The following BRIP1 variants were observed in gnomAD, a reference collection of about 807,000 sequenced individuals.
BRIP1 encodes Fanconi anemia group J protein.
In BRIP1, 88 loss-of-function variants were observed where a neutral mutation model predicts 119.7. The observed-to-expected ratio is 0.74, with a 90% CI of 0.62 to 0.88. The LOEUF is 0.88. Among genes scored for constraint, BRIP1 ranks in the 40% least tolerant of loss-of-function variants. BRIP1 has a pLI of 0.00. For missense variants in BRIP1, 1,259 were observed against 1,455.4 expected (o/e 0.87, Z 2.20); for synonymous variants, 443 against 496.5 (o/e 0.89, Z 1.43).
At chr17:61,715,168 C>G (rs990958693) in intron 17 of BRIP1, among the ~76,000 whole-genome samples, 7 of 151,172 alleles carry the variant, frequency 4.6e-5, no homozygotes, top group Non-Finnish European at 8.8e-5. Flanking sequence ...CCACTGCACT[C>G]CAGCCTGGGC....
In BRIP1 at chr17:61,742,447, C is replaced by T. The variant is rs2076998693; in HGVS notation, c.2379+566G>A. On this transcript the variant is annotated intron_variant, in intron 16 of 19. Transcript: ENST00000259008. This position sits in a 1 kb window ranked among gnomAD's most constrained non-coding sequence, Gnocchi z 4.7. Reference sequence around the variant, plus strand: ...AGGCCTAGCTTTTGTCTTGTCTCAGCTTTCAATATGCCTTGCTCACTAAGC... The same window carrying T: ...AGGCCTAGCTTTTGTCTTGTCTCAGTTTTCAATATGCCTTGCTCACTAAGC... Among the ~76,000 whole-genome samples, 1 of 152,182 alleles carries T rather than the reference C, an allele frequency of 6.6e-6. No homozygotes were observed. Among genetic ancestry groups the T allele is most frequent in the Non-Finnish European group, 1.5e-5 (1 of 68,036 alleles).
intron 10 of BRIP1, among the ~76,000 whole-genome samples, chr17:61,788,961 T>C (rs2077774602): frequency 6.6e-6 from 1 of 151,978 alleles, no homozygotes; most frequent in African/African-American, 2.4e-5. Context: ...CCAGGTGTGG[T>C]GGCATGCTTG....
rs569698703 is a variant in BRIP1 at position 61,852,354 on chromosome 17, AG to A, written c.380-3099del. On this transcript the variant is annotated intron_variant, in intron 4 of 19. Transcript: ENST00000259008. This position sits in a 1 kb window ranked among gnomAD's most constrained non-coding sequence, Gnocchi z 4.9. The stretch of plus-strand genomic sequence containing the variant: ...CGATTATGTTTTTTTAAAATCTTCA[AG>A]AAACCTAAGAAATACCCAATAGAAA... Among the ~76,000 whole-genome samples the A allele has an allele frequency of 3.2e-3, 483 of 152,260 alleles. 3 individuals carry two copies. Among genetic ancestry groups the A allele is most frequent in the Non-Finnish European group, 4.5e-3 (307 of 68,020 alleles).
intron 6 of BRIP1, among the ~76,000 whole-genome samples, chr17:61,826,009 G>A (rs1242817370): frequency 3.9e-5 from 6 of 151,948 alleles, no homozygotes; most frequent in South Asian, 2.1e-4. Context: ...ACTATACTAC[G>A]TGGCTACAGT....
chr17:61,687,975 G>A lies in BRIP1; in HGVS notation c.2576-1810C>T, dbSNP rs1323700458. The stretch of plus-strand genomic sequence containing the variant: ...AGGGGCCACTAAGAACAAAAGCGCT[G>A]TGCAGCAAGTTTCTGCTCCACAGGA... On this transcript the variant is annotated intron_variant, in intron 18 of 19. Coordinates refer to ENST00000259008, the MANE Select transcript of BRIP1 (RefSeq NM_032043.3). The surrounding 1 kb of genome is among the most constrained non-coding windows in gnomAD (Gnocchi z 5.1). 6.6e-6 allele frequency among the ~76,000 whole-genome samples: 1 copy of A among 152,192 alleles called. No homozygotes were observed. Among genetic ancestry groups the A allele is most frequent in the Non-Finnish European group, 1.5e-5 (1 of 68,030 alleles).
chr17:61,692,785 A>G (rs2061466625), intron 18 of BRIP1, among the ~76,000 whole-genome samples: 1 of 152,230 alleles, frequency 6.6e-6, no homozygotes, highest in Non-Finnish European at 1.5e-5. Flanking sequence ...GGAATGTTAA[A>G]TGGTGCAGTT....
In BRIP1 at chr17:61,716,055, T is replaced by C. The variant is rs1057521977; in HGVS notation, c.2388A>G (p.Leu796=). The change falls in exon 17 of 20, where the codon CTA becomes CTG. Residue 796 remains leucine (L), a synonymous_variant. Transcript: ENST00000259008. ...AATGGTGGTCATTGTATTGTCGTTT[T>C]AGTTCAACCTAATAATTTTAAAATA... ...FPNVKDLQVE[L]KRQYNDHHSK... 6.3e-7 allele frequency: 1 copy of C among 1,579,572 alleles called. No individual in the cohort carries two copies. Among genetic ancestry groups the C allele is most frequent in the Non-Finnish European group, 8.6e-7 (1 of 1,156,980 alleles).
At position 61,849,118 on chromosome 17, in the gene BRIP1, ACT is replaced by A. The variant is rs747185394; in HGVS notation, c.507+9_507+10del. On this transcript the variant is annotated intron_variant, in intron 5 of 19. Transcript: ENST00000259008. Reference sequence around the variant, plus strand: ...TAACTGGGTTATTTACTGCCAATAAACTCTGTTTACCTGCTGTGTAGTTTCTA... The same window carrying A: ...TAACTGGGTTATTTACTGCCAATAAACTGTTTACCTGCTGTGTAGTTTCTA... 1.3e-5 allele frequency: 21 copies of A among 1,612,934 alleles called. No individual in the cohort carries two copies. The African/African-American group carries it at 1.3e-4, about 10-fold the overall frequency.
chr17:61,851,894 T>C lies in BRIP1; in HGVS notation c.380-2638A>G, dbSNP rs1191922591. Among the ~76,000 whole-genome samples, 2 of 152,200 alleles carry C rather than the reference T, an allele frequency of 1.3e-5. No homozygotes were observed. Among genetic ancestry groups the C allele is most frequent in the African/African-American group, 4.8e-5 (2 of 41,448 alleles). On this transcript the variant is annotated intron_variant, in intron 4 of 19. Coordinates refer to ENST00000259008, the MANE Select transcript of BRIP1 (RefSeq NM_032043.3). This position sits in a 1 kb window ranked among gnomAD's most constrained non-coding sequence, Gnocchi z 4.6. ...CCACCACTTCTCATCCCAGGCATAC[T>C]GGGCAATGTCTGGAGACATTTTTCG... is the stretch of plus-strand genomic sequence containing the variant.
At chr17:61,821,047 A>C (rs1339603132) in intron 6 of BRIP1, among the ~76,000 whole-genome samples, 1 of 151,910 alleles carries the variant, frequency 6.6e-6, no homozygotes, top group African/African-American at 2.4e-5. Flanking sequence ...AATTTTCTGG[A>C]GTTTAAATAC....
chr17:61,826,219 C>T (rs572089949), intron 6 of BRIP1, among the ~76,000 whole-genome samples: 228 of 152,232 alleles, frequency 1.5e-3, no homozygotes, highest in African/African-American at 5.3e-3. Context: ...TGAAACTGGA[C>T]CCCTTCCTTA....
In BRIP1 at chr17:61,780,740, CAACAACAACA is replaced by C; in HGVS notation, c.1794+90_1794+99del. On this transcript the variant is annotated intron_variant, in intron 12 of 19. Transcript: ENST00000259008. This position sits in a 1 kb window ranked among gnomAD's most constrained non-coding sequence, Gnocchi z 5.4. ...AGACCCTGCCTCAAAACAACAACAA[CAACAACAACA>C]AACAACTATCTTTAAAAGAGTCAAC... 1 of 1,407,096 alleles carries C rather than the reference CAACAACAACA, an allele frequency of 7.1e-7. No individual in the cohort carries two copies. Among genetic ancestry groups the C allele is most frequent in the Non-Finnish European group, 1.0e-6 (1 of 996,946 alleles). The allele number at this position is 1,407,096 out of a possible 1,614,324, so 87.2% of individuals were successfully genotyped here. A position where few individuals can be genotyped will look rare whatever the true frequency, so the allele number is the denominator to read the frequency against.
At chr17:61,694,150 A>G (rs1443583140) in intron 17 of BRIP1, among the ~76,000 whole-genome samples, 1 of 152,162 alleles carries the variant, frequency 6.6e-6, no homozygotes. Flanking sequence ...TTTGTGGTAT[A>G]TTTACAAGGC....
chr17:61,854,494 G>A (rs746993407), intron 4 of BRIP1, among the ~76,000 whole-genome samples: 5 of 151,968 alleles, frequency 3.3e-5, no homozygotes, highest in African/African-American at 9.7e-5. Flanking sequence ...ATCACTTGAC[G>A]TCAGGAGCTA....
rs1373453923 is a variant in BRIP1, at chr17:61,680,776, G to C, written c.*2520C>G. Among the ~76,000 whole-genome samples the C allele has an allele frequency of 6.6e-6, 1 of 152,166 alleles. No individual in the cohort carries two copies. Among genetic ancestry groups the C allele is most frequent in the Admixed American group, 6.5e-5 (1 of 15,278 alleles). On this transcript the variant is annotated 3_prime_UTR_variant, in exon 20 of 20. Coordinates refer to ENST00000259008, the MANE Select transcript of BRIP1 (RefSeq NM_032043.3). ...TTACAGGCGTGAGCCACCGCGCCTG[G>C]CCCTAAAGGTAATTTTAAAAGTCCT...
intron 14 of BRIP1, among the ~76,000 whole-genome samples, chr17:61,766,790 G>A (rs888801343): frequency 6.6e-6 from 1 of 152,014 alleles, no homozygotes; most frequent in African/African-American, 2.4e-5. Flanking sequence ...GTCGAAGTCT[G>A]TATTGTATGA....
In BRIP1 at chr17:61,828,008, A is replaced by G. The variant is rs1049641277; in HGVS notation, c.627+19093T>C. On this transcript the variant is annotated intron_variant, in intron 6 of 19. Transcript: ENST00000259008. The surrounding 1 kb of genome is among the most constrained non-coding windows in gnomAD (Gnocchi z 4.1). ...TGAAAAACAGCTTGGCAGTTCCTCA[A>G]AAACTTAAATATAGAATTACCATAT... Among the ~76,000 whole-genome samples, 1 of 152,222 alleles carries G rather than the reference A, an allele frequency of 6.6e-6. No homozygotes were observed. The highest frequency in any genetic ancestry group is 2.4e-5 in the African/African-American group (1 of 41,466).
At position 61,683,153 on chromosome 17, in the gene BRIP1, A is replaced by C; in HGVS notation, c.*143T>G. On this transcript the variant is annotated 3_prime_UTR_variant, in exon 20 of 20. Coordinates refer to ENST00000259008, the MANE Select transcript of BRIP1 (RefSeq NM_032043.3). The surrounding 1 kb of genome is among the most constrained non-coding windows in gnomAD (Gnocchi z 4.7). ...CTCAAAAAAAAAAACCCAAAAACTC[A>C]AGAATAATAACATTTACATTTCTGA... 3 of 1,089,278 alleles carry C rather than the reference A, an allele frequency of 2.8e-6. No individual in the cohort carries two copies. The highest frequency in any genetic ancestry group is 3.9e-6 in the Non-Finnish European group (3 of 771,384). 67.5% of individuals were successfully genotyped at this position (1,089,278 alleles called of 1,614,324 possible). A position where few individuals can be genotyped will look rare whatever the true frequency, so the allele number is the denominator to read the frequency against.
intron 7 of BRIP1, among the ~76,000 whole-genome samples, chr17:61,801,999 A>G (rs1348863754): frequency 1.3e-5 from 2 of 152,182 alleles, no homozygotes; most frequent in Non-Finnish European, 2.9e-5. Context: ...TCCTAAGGGG[A>G]AAAAAAGAAA....
Sources: gnomAD v4.1 joint callset for allele counts (sites outside exome capture counted in the v4.1 genomes callset) on GRCh38, gnomAD v4.1.1 for gene constraint, Gnocchi (gnomAD v3.1) non-coding constraint, MANE v1.5 for transcripts, NCBI Gene and HGNC (gene_info 2026-07-23, HGNC 2026-07-21) for gene names.